Variants in SYT14 observed in about 807,000 individuals in gnomAD.
SYT14 encodes synaptotagmin 14.
In SYT14, 32 loss-of-function variants were observed where a neutral mutation model predicts 74.2. The ratio of observed to expected loss-of-function variants is 0.43; its 90% CI spans 0.33 to 0.58. The LOEUF is 0.58. SYT14 is among the 20% of genes least tolerant of loss of function. The pLI, the probability that SYT14 is intolerant of heterozygous loss-of-function variation, is 0.05. For missense variants in SYT14, 791 were observed against 981.8 expected, an observed-to-expected ratio of 0.81 and a Z score of 2.60; for synonymous variants, 298 against 337.7, an observed-to-expected ratio of 0.88 and a Z score of 1.29.
intron 5 of SYT14, among the ~76,000 whole-genome samples, chr1:210,050,240 A>C (rs1020163114): frequency 6.6e-6 from 1 of 152,128 alleles, no homozygotes; most frequent in African/African-American, 2.4e-5. Flanking sequence ...AATTTCCACA[A>C]ATCTCTGGGG....
intron 2 of SYT14, among the ~76,000 whole-genome samples, chr1:209,996,041 G>A (rs1254994396): frequency 2.0e-5 from 3 of 151,894 alleles, no homozygotes; most frequent in Non-Finnish European, 4.4e-5. Context: ...GATCTCAAAT[G>A]AGCAATCTAC....
At chr1:209,993,664 C>G (rs2079734088) in intron 2 of SYT14, among the ~76,000 whole-genome samples, 1 of 152,076 alleles carries the variant, frequency 6.6e-6, no homozygotes, top group African/African-American at 2.4e-5. Context: ...GCCTGGCAGC[C>G]CGGAACACCT....
chr1:210,132,566 A>ATT (rs200298890), intron 7 of SYT14, among the ~76,000 whole-genome samples: 1,109 of 73,454 alleles, frequency 0.015, 13 homozygotes, highest in South Asian at 0.044. Flanking sequence ...GATTTTATAT[A>ATT]TTGTGTGTGT....
chr1:209,946,732 C>T (rs1047006613), intron 1 of SYT14, among the ~76,000 whole-genome samples: 3 of 152,310 alleles, frequency 2.0e-5, no homozygotes, highest in African/African-American at 7.2e-5. Flanking sequence ...AAGGTGGCTA[C>T]ACTAAACAAC....
At chr1:210,149,148 A>C (rs1040244048) in intron 7 of SYT14, among the ~76,000 whole-genome samples, 3 of 151,692 alleles carry the variant, frequency 2.0e-5, no homozygotes, top group African/African-American at 7.3e-5. Flanking sequence ...GTATATATAC[A>C]TACATATACA....
At chr1:210,085,638 T>C (rs926847679) in intron 5 of SYT14, among the ~76,000 whole-genome samples, 5 of 152,344 alleles carry the variant, frequency 3.3e-5, no homozygotes, top group Non-Finnish European at 7.4e-5. Flanking sequence ...CATATTACTT[T>C]TTATATTTGT....
In SYT14 at chr1:210,002,950, A is replaced by C. The variant is rs142851000; in HGVS notation, c.-485-10683A>C. On this transcript the variant is annotated intron_variant, in intron 2 of 9. Transcript: ENST00000637265. ...AAATTTTAAATTTTAATGTAATAAA[A>C]TTTATCAGTATTCTCTTGTGTGATT... is the stretch of plus-strand genomic sequence containing the variant. 2.1e-4 allele frequency among the ~76,000 whole-genome samples: 32 copies of C among 152,258 alleles called. No individual in the cohort carries two copies. The East Asian group carries it at 6.0e-3, about 28-fold the overall frequency.
chr1:210,109,540 T>A (rs1260033210), intron 7 of SYT14, among the ~76,000 whole-genome samples: 2 of 147,316 alleles, frequency 1.4e-5, no homozygotes, highest in Non-Finnish European at 3.0e-5. Flanking sequence ...ATTGCAGCAC[T>A]GCATTCCAGC....
chr1:210,068,781 A>T (rs535914482), intron 5 of SYT14, among the ~76,000 whole-genome samples: 9 of 151,780 alleles, frequency 5.9e-5, no homozygotes, highest in African/African-American at 2.2e-4. Context: ...AATCCTCTCT[A>T]TAGAATTGGT....
intron 2 of SYT14, among the ~76,000 whole-genome samples, chr1:209,966,242 C>G (rs748187404): frequency 6.6e-6 from 1 of 152,120 alleles, no homozygotes; most frequent in Admixed American, 6.6e-5. Context: ...GTCTTTATTA[C>G]TATAGCTTTA....
chr1:210,134,148 G>T (rs2082733638), intron 7 of SYT14, among the ~76,000 whole-genome samples: 1 of 151,950 alleles, frequency 6.6e-6, no homozygotes, highest in African/African-American at 2.4e-5. Context: ...TGTCACCCAG[G>T]CTGGAAGGCA....
intron 2 of SYT14, among the ~76,000 whole-genome samples, chr1:209,991,648 A>G (rs1450728726): frequency 6.6e-6 from 1 of 152,096 alleles, no homozygotes; most frequent in Non-Finnish European, 1.5e-5. Context: ...TGGCCAATAT[A>G]GTGAAACCCC....
exon 10 of SYT14, chr1:210,169,716 T>C (rs2083502437): frequency 6.6e-6 from 1 of 152,084 alleles, no homozygotes; most frequent in African/African-American, 2.4e-5. Context: ...AGAAAGTGTA[T>C]AAATATGTTT....
intron 5 of SYT14, among the ~76,000 whole-genome samples, chr1:210,060,666 TAGAA>T (rs2081191104): frequency 6.6e-6 from 1 of 152,030 alleles, no homozygotes; most frequent in African/African-American, 2.4e-5. Context: ...AGCCCTCTAA[TAGAA>T]AGGAAAAAAT....
At chr1:209,962,656 G>A (rs1266747762) in intron 2 of SYT14, among the ~76,000 whole-genome samples, 1 of 152,028 alleles carries the variant, frequency 6.6e-6, no homozygotes, top group African/African-American at 2.4e-5. Context: ...CCAAATTCAG[G>A]CTGCCATAAA....
intron 2 of SYT14, among the ~76,000 whole-genome samples, chr1:209,968,928 T>C (rs1403330674): frequency 6.6e-6 from 1 of 152,086 alleles, no homozygotes; most frequent in Non-Finnish European, 1.5e-5. Context: ...CCCCAGTGTC[T>C]TTTGTTCTCA....
intron 5 of SYT14, among the ~76,000 whole-genome samples, chr1:210,041,430 T>A (rs1452312836): frequency 6.6e-6 from 1 of 152,206 alleles, no homozygotes. Flanking sequence ...TTTAATTTGA[T>A]TATTAGTTAA....
At chr1:209,992,957 A>G (rs2079720166) in intron 2 of SYT14, among the ~76,000 whole-genome samples, 1 of 152,186 alleles carries the variant, frequency 6.6e-6, no homozygotes, top group Non-Finnish European at 1.5e-5. Context: ...CTCCTGGGAA[A>G]GAGGTGAATG....
At chr1:209,995,992 A>G (rs1010461515) in intron 2 of SYT14, among the ~76,000 whole-genome samples, 2 of 152,310 alleles carry the variant, frequency 1.3e-5, no homozygotes, top group South Asian at 2.1e-4. Context: ...TTAAGAGAAC[A>G]GTTTATAGCC....
Sources: gnomAD v4.1 joint callset for allele counts (sites outside exome capture counted in the v4.1 genomes callset) on GRCh38, gnomAD v4.1.1 for gene constraint, MANE v1.5 for transcripts, NCBI Gene and HGNC (gene_info 2026-07-23, HGNC 2026-07-21) for gene names.